Variants in PLCH1 observed in about 807,000 individuals in gnomAD.
PLCH1 encodes 1-phosphatidylinositol 4,5-bisphosphate phosphodiesterase eta-1.
A neutral mutation model predicts 126.7 loss-of-function variants in PLCH1; 60 were observed. The observed-to-expected ratio is 0.47, with a 90% CI of 0.38 to 0.59. PLCH1 has a LOEUF of 0.59. Among genes scored for constraint, PLCH1 ranks in the 20% least tolerant of loss-of-function variants. PLCH1 has a pLI of 0.00. For missense variants in PLCH1, 1,723 were observed against 2,040.0 expected (o/e 0.84, Z 2.99); for synonymous variants, 719 against 734.9 (o/e 0.98, Z 0.35).
chr3:155,636,134 C>T (rs12490748), intron 2 of PLCH1, among the ~76,000 whole-genome samples: 44,026 of 151,992 alleles, frequency 0.29, 6,889 homozygotes, highest in East Asian at 0.44. Context: ...TCACATCTCA[C>T]TGGCCAGCAT....
intron 8 of PLCH1, among the ~76,000 whole-genome samples, chr3:155,559,171 C>T (rs1212669698): frequency 6.6e-6 from 1 of 152,108 alleles, no homozygotes; most frequent in African/African-American, 2.4e-5. Flanking sequence ...AAGAGTCAGA[C>T]CAACCTGAGT....
At chr3:155,728,694 C>T (rs1748526775) in intron 1 of PLCH1, among the ~76,000 whole-genome samples, 1 of 152,164 alleles carries the variant, frequency 6.6e-6, no homozygotes, top group African/African-American at 2.4e-5. Flanking sequence ...ATCCAGACTT[C>T]CTAACCTCAG....
rs189863325 is a variant in PLCH1, at chr3:155,676,235, A to T, written c.79+27911T>A. On this transcript the variant is annotated intron_variant, in intron 2 of 22. Transcript: ENST00000460012. ...TCACAATTCAGGCTTTATAGTGTGG[A>T]GAAAATAAATCCATGAGATATGATT... 8.9e-6 allele frequency: 11 copies of T among 1,242,298 alleles called. 1 individual carries two copies. Among genetic ancestry groups the T allele is most frequent in the Middle Eastern group, 2.4e-4 (1 of 4,132 alleles). 77.0% of individuals were successfully genotyped at this position (1,242,298 alleles called of 1,614,324 possible).
At chr3:155,627,535 G>A (rs1201283626) in intron 2 of PLCH1, among the ~76,000 whole-genome samples, 1 of 151,886 alleles carries the variant, frequency 6.6e-6, no homozygotes, top group African/African-American at 2.4e-5. Context: ...TTGGGAGGCT[G>A]AGGTGGGAGA....
At chr3:155,524,732 T>C (rs1253713915) in intron 10 of PLCH1, among the ~76,000 whole-genome samples, 1 of 152,164 alleles carries the variant, frequency 6.6e-6, no homozygotes, top group Non-Finnish European at 1.5e-5. Flanking sequence ...ACTTGGAACC[T>C]GGAGCCAGGC....
chr3:155,612,528 A>T (rs1322876728), intron 2 of PLCH1, among the ~76,000 whole-genome samples: 1 of 108,652 alleles, frequency 9.2e-6, no homozygotes, highest in Non-Finnish European at 1.7e-5. Flanking sequence ...TAAAACTAAC[A>T]AACAACAAAA....
intron 2 of PLCH1, among the ~76,000 whole-genome samples, chr3:155,654,011 C>A (rs1206635763): frequency 6.6e-6 from 1 of 150,738 alleles, no homozygotes; most frequent in Non-Finnish European, 1.5e-5. Context: ...CAATTCCAAC[C>A]AGGCTTTTGT....
rs781066881 is a variant in PLCH1, at chr3:155,488,697, A to G, written c.2502T>C (p.Val834=). The change falls in exon 20 of 23, where the codon GTT becomes GTC. Residue 834 remains valine (V), a synonymous_variant. Coordinates refer to ENST00000460012, the MANE Select transcript of PLCH1 (RefSeq NM_014996.4). ...WDHDPIGRDF[V]GQRTVTFSSL... is the part of the protein sequence containing the mutation. Reference sequence around the variant, plus strand: ...TGCTGAAGGTCACAGTTCTTTGTCCAACAAAGTCTCGTCCAATGGGATCGT... The same window carrying G: ...TGCTGAAGGTCACAGTTCTTTGTCCGACAAAGTCTCGTCCAATGGGATCGT... The G allele has an allele frequency of 4.3e-6, 7 of 1,614,004 alleles. No individual in the cohort carries two copies. The highest frequency in any genetic ancestry group is 1.7e-5 in the Admixed American group (1 of 59,988).
At chr3:155,497,439 T>C (rs1460456705) in intron 14 of PLCH1, 22 bp from the exon 15 acceptor site, 1 of 1,526,432 alleles carries the variant, frequency 6.6e-7, no homozygotes, top group Admixed American at 1.7e-5. Flanking sequence ...CCACAGAGGA[T>C]GCATGACATT....
At chr3:155,542,068 G>A (rs1160990455) in intron 10 of PLCH1, among the ~76,000 whole-genome samples, 10 of 152,326 alleles carry the variant, frequency 6.6e-5, no homozygotes, top group African/African-American at 9.6e-5. Context: ...TGCGCGAGCC[G>A]AAGCAGGGCA....
chr3:155,466,267 C>T (rs551849234), intron 21 of PLCH1, among the ~76,000 whole-genome samples: 6 of 152,148 alleles, frequency 3.9e-5, no homozygotes, highest in Non-Finnish European at 7.3e-5. Context: ...CCCAGGTTTA[C>T]GTGGCTTAGA....
At chr3:155,674,012 T>G (rs2108994055) in intron 2 of PLCH1, among the ~76,000 whole-genome samples, 1 of 152,342 alleles carries the variant, frequency 6.6e-6, no homozygotes, top group South Asian at 2.1e-4. Flanking sequence ...AGACCAGTAA[T>G]TCTTACAACA....
intron 2 of PLCH1, among the ~76,000 whole-genome samples, chr3:155,639,900 T>C (rs1411701853): frequency 2.6e-5 from 4 of 151,928 alleles, no homozygotes; most frequent in African/African-American, 9.7e-5. Context: ...GTTGTTTAAA[T>C]ATGTGTGGTA....
chr3:155,656,556 A>G (rs1559903340), intron 2 of PLCH1, among the ~76,000 whole-genome samples: 1 of 152,234 alleles, frequency 6.6e-6, no homozygotes, highest in Non-Finnish European at 1.5e-5. Context: ...TCATATGATT[A>G]TCTTCAGAAA....
chr3:155,566,642 T>C (rs982918752), intron 7 of PLCH1, among the ~76,000 whole-genome samples: 4 of 98,732 alleles, frequency 4.1e-5, no homozygotes, highest in Admixed American at 1.0e-4. Context: ...GACAACCAAA[T>C]TGGTTTGAAA....
Position 155,479,981 on chromosome 3 carries a change from T to C in PLCH1, c.*987A>G, listed in dbSNP as rs551136502. 2 of 151,540 alleles carry C rather than the reference T, an allele frequency of 1.3e-5. No homozygotes were observed. The highest frequency in any genetic ancestry group is 4.2e-4 in the South Asian group (2 of 4,806). 9.4% of individuals were successfully genotyped at this position (151,540 alleles called of 1,614,324 possible). On this transcript the variant is annotated 3_prime_UTR_variant, in exon 23 of 23. Coordinates refer to ENST00000460012, the MANE Select transcript of PLCH1 (RefSeq NM_014996.4). Reference sequence around the variant, plus strand: ...AAAAACAAAGAGGGACATCTGAACATGCAATAAAAAAGTGAATTCACAGTG... The same window carrying C: ...AAAAACAAAGAGGGACATCTGAACACGCAATAAAAAAGTGAATTCACAGTG...
At chr3:155,496,785 G>A (rs1015266483) in intron 15 of PLCH1, among the ~76,000 whole-genome samples, 2 of 152,170 alleles carry the variant, frequency 1.3e-5, no homozygotes, top group Non-Finnish European at 2.9e-5. Context: ...TCTCAGCTCC[G>A]TGTGGCAACT....
intron 2 of PLCH1, among the ~76,000 whole-genome samples, chr3:155,684,899 T>C (rs1559933989): frequency 6.6e-6 from 1 of 152,220 alleles, no homozygotes; most frequent in African/African-American, 2.4e-5. Flanking sequence ...CTTTAGCCTT[T>C]CTTCTCATAT....
chr3:155,601,470 C>A (rs991071518), intron 2 of PLCH1, among the ~76,000 whole-genome samples: 1 of 151,786 alleles, frequency 6.6e-6, no homozygotes, highest in Non-Finnish European at 1.5e-5. Context: ...ATGTGTATAT[C>A]ACTTGGCAAT....
Sources: gnomAD v4.1 joint callset for allele counts (sites outside exome capture counted in the v4.1 genomes callset) on GRCh38, gnomAD v4.1.1 for gene constraint, MANE v1.5 for transcripts, NCBI Gene and HGNC (gene_info 2026-07-23, HGNC 2026-07-21) for gene names.